Variants in VAV2 observed in about 807,000 individuals in gnomAD.
VAV2 encodes vav guanine nucleotide exchange factor 2.
VAV2 carries 67 observed loss-of-function variants against 132.5 expected under a neutral mutation model. The ratio of observed to expected loss-of-function variants is 0.51; its 90% CI spans 0.42 to 0.62. VAV2 has a LOEUF of 0.62. VAV2 is among the 20% of genes least tolerant of loss of function. VAV2 has a pLI of 0.00. For synonymous variants in VAV2, 492 were observed against 443.5 expected, an observed-to-expected ratio of 1.11 and a Z score of -1.37; for missense variants, 938 against 1,153.6, an observed-to-expected ratio of 0.81 and a Z score of 2.71.
At chr9:133,929,991 AG>A (rs909118065) in intron 2 of VAV2, among the ~76,000 whole-genome samples, 88 of 152,376 alleles carry the variant, frequency 5.8e-4, no homozygotes, top group African/African-American at 2.1e-3. Context: ...CCGATTCAGC[AG>A]GGCCCTGCCC....
chr9:133,886,263 G>T (rs3780742), intron 2 of VAV2, among the ~76,000 whole-genome samples: 1 of 152,324 alleles, frequency 6.6e-6, no homozygotes, highest in Middle Eastern at 3.4e-3. Context: ...GCTGGGCCTC[G>T]TCTGATGCTT....
At chr9:133,796,566 A>G (rs1834723797) in intron 10 of VAV2, 42 bp from the exon 11 acceptor site, 1 of 1,579,392 alleles carries the variant, frequency 6.3e-7, no homozygotes. Flanking sequence ...TCCCCGAGGA[A>G]AGCCTGAACC....
intron 2 of VAV2, among the ~76,000 whole-genome samples, chr9:133,933,710 AG>A (rs1840775875): frequency 1.3e-5 from 1 of 75,636 alleles, no homozygotes; most frequent in Non-Finnish European, 2.7e-5. Context: ...ATGGATGGTG[AG>A]TGGGTGGATG....
chr9:133,876,140 C>A (rs1838253523), intron 2 of VAV2, among the ~76,000 whole-genome samples: 1 of 152,252 alleles, frequency 6.6e-6, no homozygotes. Flanking sequence ...TCCAGCTTCA[C>A]AGCAGCTGGT....
At position 133,889,525 on chromosome 9, in the gene VAV2, G is replaced by T. The variant is rs548558163; in HGVS notation, c.322-28093C>A. On this transcript the variant is annotated intron_variant, in intron 2 of 29. Transcript: ENST00000371850. Reference sequence around the variant, plus strand: ...GATGCTTGGGAGGGAAAGGCACTGGGTCCAGGGCCTGGGGGAGCACATAGC... The same window carrying T: ...GATGCTTGGGAGGGAAAGGCACTGGTTCCAGGGCCTGGGGGAGCACATAGC... 5.3e-5 allele frequency among the ~76,000 whole-genome samples: 8 copies of T among 152,312 alleles called. No individual in the cohort carries two copies. In the East Asian group the frequency reaches 1.5e-3, roughly 29 times the overall value.
intron 2 of VAV2, among the ~76,000 whole-genome samples, chr9:133,933,723 A>ATGAATGG (rs1840776699): frequency 1.4e-5 from 1 of 70,090 alleles, no homozygotes; most frequent in Non-Finnish European, 3.4e-5. Context: ...GGGTGGATGG[A>ATGAATGG]TGGATGGTGG....
chr9:133,981,101 G>C (rs1842678856), intron 1 of VAV2, among the ~76,000 whole-genome samples: 1 of 152,178 alleles, frequency 6.6e-6, no homozygotes, highest in Admixed American at 6.5e-5. Context: ...GGAGGCCCTG[G>C]GGAGAAGCAG....
In VAV2 at chr9:133,794,207, G is replaced by A. The variant is rs1834614020; in HGVS notation, c.1101+1461C>T. ...ACGCATCCACGCTGGCTCACACACC[G>A]TGGCTCACAGCAGACAGGCCAGAGC... is the stretch of plus-strand genomic sequence containing the variant. On this transcript the variant is annotated intron_variant, in intron 12 of 29. Coordinates refer to ENST00000371850, the MANE Select transcript of VAV2 (RefSeq NM_001134398.2). This position sits in a 1 kb window ranked among gnomAD's most constrained non-coding sequence, Gnocchi z 4.6. 2.0e-5 allele frequency among the ~76,000 whole-genome samples: 3 copies of A among 152,144 alleles called. No individual in the cohort carries two copies. Among genetic ancestry groups the A allele is most frequent in the African/African-American group, 4.8e-5 (2 of 41,428 alleles).
chr9:133,816,289 T>C (rs62576519), intron 4 of VAV2, among the ~76,000 whole-genome samples: 36,215 of 152,200 alleles, frequency 0.24, 5,070 homozygotes, highest in African/African-American at 0.39. Context: ...ACTTTCTTAA[T>C]GATATTCAAG....
chr9:133,912,175 C>A lies in VAV2; in HGVS notation c.321+26928G>T, dbSNP rs991440224. Among the ~76,000 whole-genome samples, 2 of 152,200 alleles carry A rather than the reference C, an allele frequency of 1.3e-5. No homozygotes were observed. Among genetic ancestry groups the A allele is most frequent in the African/African-American group, 4.8e-5 (2 of 41,452 alleles). On this transcript the variant is annotated intron_variant, in intron 2 of 29. Coordinates refer to ENST00000371850, the MANE Select transcript of VAV2 (RefSeq NM_001134398.2). The surrounding 1 kb of genome is among the most constrained non-coding windows in gnomAD (Gnocchi z 4.3). ...CCCGCTGGTGAACTTAGATCAGCTG[C>A]GGCTACAGTCCCGGCCTCCAACACA...
chr9:133,949,604 C>A (rs1201771734), intron 1 of VAV2, among the ~76,000 whole-genome samples: 1 of 152,234 alleles, frequency 6.6e-6, no homozygotes, highest in East Asian at 1.9e-4. Context: ...ACACTCCAGG[C>A]AATGCTGCTG....
In VAV2 at chr9:133,794,471, C is replaced by T. The variant is rs535314839; in HGVS notation, c.1101+1197G>A. On this transcript the variant is annotated intron_variant, in intron 12 of 29. Coordinates refer to ENST00000371850, the MANE Select transcript of VAV2 (RefSeq NM_001134398.2). The surrounding 1 kb of genome is among the most constrained non-coding windows in gnomAD (Gnocchi z 4.6). ...TGCTCAGAGAACCTCTTAGCACCGG[C>T]GGCCAAGCACTGGCCCCACTCCCGT... Among the ~76,000 whole-genome samples, 6 of 152,324 alleles carry T rather than the reference C, an allele frequency of 3.9e-5. No individual in the cohort carries two copies. In the South Asian group the frequency reaches 1.0e-3, roughly 26 times the overall value.
rs988157147 is a variant in VAV2, at chr9:133,826,060, C to T, written c.449+8212G>A. 1.4e-4 allele frequency among the ~76,000 whole-genome samples: 22 copies of T among 152,346 alleles called. No homozygotes were observed. The highest frequency in any genetic ancestry group is 5.1e-4 in the African/African-American group (21 of 41,568). ...CACATTTGTTTAAGCCTGAAAATCA[C>T]TTCAACTCCCAGGAAAGTGAAACCA... On this transcript the variant is annotated intron_variant, in intron 4 of 29. Coordinates refer to ENST00000371850, the MANE Select transcript of VAV2 (RefSeq NM_001134398.2). This position sits in a 1 kb window ranked among gnomAD's most constrained non-coding sequence, Gnocchi z 4.2.
At chr9:133,959,099 G>A (rs1242604199) in intron 1 of VAV2, among the ~76,000 whole-genome samples, 2 of 152,174 alleles carry the variant, frequency 1.3e-5, no homozygotes, top group Non-Finnish European at 2.9e-5. Flanking sequence ...CAGATGATGG[G>A]GTTCCTGACT....
chr9:133,888,507 A>G (rs2131962392), intron 2 of VAV2, among the ~76,000 whole-genome samples: 1 of 152,238 alleles, frequency 6.6e-6, no homozygotes. Context: ...CTGTCCCTAC[A>G]CCACCGGCCC....
chr9:133,964,045 A>ATATG (rs1842059167), intron 1 of VAV2, among the ~76,000 whole-genome samples: 1 of 94,724 alleles, frequency 1.1e-5, no homozygotes, highest in Non-Finnish European at 2.4e-5. Flanking sequence ...ATATATATAT[A>ATATG]TATACATATA....
At chr9:133,946,600 T>C (rs1321205875) in intron 1 of VAV2, among the ~76,000 whole-genome samples, 5 of 152,256 alleles carry the variant, frequency 3.3e-5, no homozygotes, top group Admixed American at 6.5e-5. Context: ...CAGAGACCGA[T>C]TGCACGCCTG....
intron 2 of VAV2, among the ~76,000 whole-genome samples, chr9:133,929,797 TGCCAGTGCCCCCAGCGGCCTGTCCCCACC>T (rs1303552968): frequency 1.3e-5 from 2 of 151,874 alleles, no homozygotes; most frequent in Non-Finnish European, 2.9e-5. Context: ...CTGTCCCCAC[TGCCAGTGCCCCCAGCGGCCTGTCCCCACC>T]GCCAGTGTCC....
At position 133,804,804 on chromosome 9, in the gene VAV2, C is replaced by G. The variant is rs1400337045; in HGVS notation, c.836+1277G>C. ...GGGCAGGTTAGGGAGCTGTCCTCCC[C>G]CGATCCCTGCCCACTCTTAACCCTC... On this transcript the variant is annotated intron_variant, in intron 9 of 29. Coordinates refer to ENST00000371850, the MANE Select transcript of VAV2 (RefSeq NM_001134398.2). This position sits in a 1 kb window ranked among gnomAD's most constrained non-coding sequence, Gnocchi z 4.5. 3.3e-5 allele frequency among the ~76,000 whole-genome samples: 5 copies of G among 152,204 alleles called. No individual in the cohort carries two copies. The highest frequency in any genetic ancestry group is 7.3e-5 in the Non-Finnish European group (5 of 68,034).
Sources: gnomAD v4.1 joint callset for allele counts (sites outside exome capture counted in the v4.1 genomes callset) on GRCh38, gnomAD v4.1.1 for gene constraint, Gnocchi (gnomAD v3.1) non-coding constraint, MANE v1.5 for transcripts, NCBI Gene and HGNC (gene_info 2026-07-23, HGNC 2026-07-21) for gene names.